Variants in SLC36A1 observed in about 807,000 individuals in gnomAD.
SLC36A1 encodes proton-coupled amino acid transporter 1.
Under a neutral mutation model 47.5 loss-of-function variants are expected in SLC36A1, and 30 were observed. The ratio of observed to expected loss-of-function variants is 0.63; its 90% CI spans 0.47 to 0.86. The LOEUF is 0.86. SLC36A1 is among the 40% of genes least tolerant of loss of function. The probability of loss-of-function intolerance (pLI) is 0.00; values close to 1 mark genes in which losing one functional copy is unlikely to be tolerated. For missense variants in SLC36A1, 517 were observed against 606.0 expected (o/e 0.85, Z 1.54); for synonymous variants, 255 against 249.7 (o/e 1.02, Z -0.20).
the SLC36A1 span, among the ~76,000 whole-genome samples, chr5:151,519,153 G>T: frequency 6.6e-6 from 1 of 152,184 alleles, no homozygotes; most frequent in Non-Finnish European, 1.5e-5. Context: ...AGACCAGCCT[G>T]GTCAACGTGG....
the SLC36A1 span, chr5:151,431,223 A>C: frequency 6.6e-6 from 1 of 152,172 alleles, no homozygotes; most frequent in Non-Finnish European, 1.5e-5. Context: ...AAATTCCACA[A>C]AAGTTTTCAG....
chr5:151,426,507 A>G, the SLC36A1 span, among the ~76,000 whole-genome samples: 3 of 152,012 alleles, frequency 2.0e-5, no homozygotes, highest in African/African-American at 7.3e-5. Flanking sequence ...ACTTTACACA[A>G]ACATCTCAGT....
chr5:151,367,361 A>ATTTTTTTTTTTTTT, the SLC36A1 span, among the ~76,000 whole-genome samples: 495 of 118,766 alleles, frequency 4.2e-3, 9 homozygotes, highest in African/African-American at 0.014. Context: ...CCAGGAATGC[A>ATTTTTTTTTTTTTT]TTTTTTTTTT....
chr5:151,521,140 T>G, the SLC36A1 span: 1 of 811,696 alleles, frequency 1.2e-6, no homozygotes, highest in South Asian at 1.9e-5. Flanking sequence ...AGCCGTCTTA[T>G]GGTGATTGGT....
At chr5:151,377,620 T>C in the SLC36A1 span, among the ~76,000 whole-genome samples, 3 of 152,146 alleles carry the variant, frequency 2.0e-5, no homozygotes, top group Non-Finnish European at 4.4e-5. Flanking sequence ...GTGCTGGGAT[T>C]ACAGGCGTGA....
chr5:151,347,144 T>A, the SLC36A1 span, among the ~76,000 whole-genome samples: 1 of 152,206 alleles, frequency 6.6e-6, no homozygotes, highest in Non-Finnish European at 1.5e-5. Context: ...TACTTCTGCC[T>A]CAGCTTGACT....
chr5:151,550,784 C>T, the SLC36A1 span: 107,855 of 1,613,788 alleles, frequency 0.067, 6,938 homozygotes, highest in Admixed American at 0.31. Context: ...ACCCCTGGCA[C>T]GGTGTCCTGG....
At chr5:151,394,146 A>C in the SLC36A1 span, among the ~76,000 whole-genome samples, 5 of 151,902 alleles carry the variant, frequency 3.3e-5, no homozygotes, top group African/African-American at 1.2e-4. Context: ...GCTTCATTTC[A>C]TTCATTTGAT....
intron 2 of SLC36A1, among the ~76,000 whole-genome samples, chr5:151,460,730 C>G (rs1303879967): frequency 6.6e-6 from 1 of 151,526 alleles, no homozygotes; most frequent in African/African-American, 2.4e-5. Context: ...ATTTGGAGGA[C>G]CTTCTTAACC....
the SLC36A1 span, chr5:151,546,380 C>T: frequency 1.4e-6 from 2 of 1,465,080 alleles, no homozygotes; most frequent in Admixed American, 1.8e-5. Flanking sequence ...ACACCCTCGA[C>T]AGGTATCAGC....
At chr5:151,450,110 C>T (rs1753409538) in intron 1 of SLC36A1, among the ~76,000 whole-genome samples, 1 of 151,928 alleles carries the variant, frequency 6.6e-6, no homozygotes, top group Non-Finnish European at 1.5e-5. Flanking sequence ...GAGCAGATGT[C>T]CACTTATTAG....
At chr5:151,460,599 G>A (rs1755368209) in intron 2 of SLC36A1, among the ~76,000 whole-genome samples, 1 of 151,936 alleles carries the variant, frequency 6.6e-6, no homozygotes, top group Admixed American at 6.6e-5. Flanking sequence ...ATCACAGGTG[G>A]TACAAGATAA....
At chr5:151,540,735 G>T in the SLC36A1 span, 3 of 1,614,062 alleles carry the variant, frequency 1.9e-6, no homozygotes, top group Non-Finnish European at 2.5e-6. Flanking sequence ...CAACTTGGCT[G>T]ATGCCAAACT....
At chr5:151,518,936 T>G in the SLC36A1 span, among the ~76,000 whole-genome samples, 4 of 152,254 alleles carry the variant, frequency 2.6e-5, no homozygotes, top group African/African-American at 9.6e-5. Flanking sequence ...GGGGAGAGGA[T>G]GAGCGGTCCA....
chr5:151,478,230 G>A (rs897121568), intron 9 of SLC36A1, among the ~76,000 whole-genome samples: 2 of 152,088 alleles, frequency 1.3e-5, no homozygotes, highest in African/African-American at 2.4e-5. Flanking sequence ...ATAGATTTCC[G>A]ACAAGGGAGG....
At chr5:151,385,726 CA>C in the SLC36A1 span, among the ~76,000 whole-genome samples, 11 of 152,014 alleles carry the variant, frequency 7.2e-5, no homozygotes, top group Non-Finnish European at 1.5e-4. Flanking sequence ...TAAAACAAAA[CA>C]ATAAAAAAAG....
the SLC36A1 span, chr5:151,545,451 G>A: frequency 1.2e-6 from 2 of 1,614,066 alleles, no homozygotes; most frequent in Admixed American, 1.7e-5. Context: ...CCCGCACCAT[G>A]AGAAGCTCCA....
chr5:151,519,772 C>G, the SLC36A1 span, among the ~76,000 whole-genome samples: 2 of 151,804 alleles, frequency 1.3e-5, no homozygotes, highest in African/African-American at 4.8e-5. Context: ...AATAAAAAAC[C>G]TCTTTTCAAC....
the SLC36A1 span, among the ~76,000 whole-genome samples, chr5:151,555,225 G>C: frequency 6.6e-6 from 1 of 152,152 alleles, no homozygotes; most frequent in Non-Finnish European, 1.5e-5. Flanking sequence ...TCAGACAGGA[G>C]ATTTCCACCT....
Sources: gnomAD v4.1 joint callset for allele counts (sites outside exome capture counted in the v4.1 genomes callset) on GRCh38, gnomAD v4.1.1 for gene constraint, MANE v1.5 for transcripts, NCBI Gene and HGNC (gene_info 2026-07-23, HGNC 2026-07-21) for gene names.